Variants in ROR2 observed in about 807,000 individuals in gnomAD.
ROR2 encodes the protein ROR family WNT receptor 2, also known as tyrosine-protein kinase transmembrane receptor ROR2.
A neutral mutation model predicts 74.9 loss-of-function variants in ROR2; 33 were observed. That is an observed-to-expected ratio of 0.44 (90% CI 0.33 to 0.59). ROR2 has a LOEUF of 0.59. ROR2 is among the 20% of genes least tolerant of loss of function. ROR2 has a pLI of 0.02. For synonymous variants in ROR2, 586 were observed against 558.7 expected (o/e 1.05, Z -0.69); for missense variants, 1,216 against 1,313.8 (o/e 0.93, Z 1.15).
chr9:91,916,208 C>G, intron 1 of ROR2, among the ~76,000 whole-genome samples: 1 of 152,220 alleles, frequency 6.6e-6, no homozygotes, highest in African/African-American at 2.4e-5. Flanking sequence ...TCCCCCGCAA[C>G]TAATCTTTTT....
intron 1 of ROR2, among the ~76,000 whole-genome samples, chr9:91,809,716 A>G (rs1480119796): frequency 6.6e-6 from 1 of 152,254 alleles, no homozygotes; most frequent in Admixed American, 6.5e-5. Flanking sequence ...GCCGGCAGCA[A>G]GAGTGGGCAG....
At position 91,777,032 on chromosome 9, in the gene ROR2, G is replaced by T. The variant is rs190774024; in HGVS notation, c.98-1214C>A. On this transcript the variant is annotated intron_variant, in intron 1 of 8. Transcript: ENST00000375708. ...TCACTTCCTCTGCCAGTCAAATGTG[G>T]TTAATAAACTCAGCATGTCCAATCA... Among the ~76,000 whole-genome samples the T allele has an allele frequency of 4.3e-4, 65 of 152,270 alleles. No homozygotes were observed. The East Asian group carries it at 5.2e-3, about 12-fold the overall frequency.
chr9:91,773,233 C>T (rs1826297310), intron 2 of ROR2, among the ~76,000 whole-genome samples: 1 of 152,170 alleles, frequency 6.6e-6, no homozygotes, highest in African/African-American at 2.4e-5. Flanking sequence ...ATACATTTTC[C>T]CAAGGAAATA....
At chr9:91,916,932 G>A (rs1003309343) in intron 1 of ROR2, among the ~76,000 whole-genome samples, 4 of 152,012 alleles carry the variant, frequency 2.6e-5, no homozygotes, top group African/African-American at 9.7e-5. Context: ...TCCCATGCTG[G>A]AGTGGAAAAT....
intron 2 of ROR2, among the ~76,000 whole-genome samples, chr9:91,758,906 T>C (rs1490409376): frequency 6.6e-6 from 1 of 152,260 alleles, no homozygotes; most frequent in Non-Finnish European, 1.5e-5. Context: ...AATACAATTC[T>C]GTTAATGTAA....
intron 1 of ROR2, among the ~76,000 whole-genome samples, chr9:91,801,473 C>A (rs1336827409): frequency 1.3e-5 from 2 of 152,232 alleles, no homozygotes; most frequent in East Asian, 3.9e-4. Context: ...GCTGGGACTA[C>A]AGGCGCCCGC....
chr9:91,777,240 A>G (rs561194282), intron 1 of ROR2, among the ~76,000 whole-genome samples: 1 of 152,338 alleles, frequency 6.6e-6, no homozygotes, highest in Admixed American at 6.5e-5. Flanking sequence ...GACAGGAAGT[A>G]TGTGAACTAG....
intron 1 of ROR2, among the ~76,000 whole-genome samples, chr9:91,861,860 T>A (rs1829477529): frequency 6.6e-6 from 1 of 152,190 alleles, no homozygotes; most frequent in African/African-American, 2.4e-5. Flanking sequence ...GATTTGTATT[T>A]AGATTATATA....
At position 91,723,374 on chromosome 9, in the gene ROR2, A is replaced by G. The variant is rs1836863701; in HGVS notation, c.*288T>C. 2 of 438,656 alleles carry G rather than the reference A, an allele frequency of 4.6e-6. No homozygotes were observed. The highest frequency in any genetic ancestry group is 7.6e-5 in the East Asian group (2 of 26,460). 27.2% of individuals were successfully genotyped at this position (438,656 alleles called of 1,614,324 possible). ...TGAAAGGCATTTGCTGCTCACTACC[A>G]GTCTACCACCAGAATCAATGTATAC... On this transcript the variant is annotated 3_prime_UTR_variant, in exon 9 of 9. Transcript: ENST00000375708.
intron 2 of ROR2, among the ~76,000 whole-genome samples, chr9:91,767,598 G>C (rs1384942033): frequency 5.9e-5 from 9 of 152,214 alleles, no homozygotes; most frequent in Non-Finnish European, 1.2e-4. Context: ...CTGCAGGAAG[G>C]ACATAAAGCT....
At chr9:91,915,985 C>G (rs1363114350) in intron 1 of ROR2, among the ~76,000 whole-genome samples, 1 of 152,222 alleles carries the variant, frequency 6.6e-6, no homozygotes, top group Non-Finnish European at 1.5e-5. Flanking sequence ...CTGGCTTAGG[C>G]TCTGGCAGGA....
At chr9:91,818,082 A>C (rs1828005517) in intron 1 of ROR2, among the ~76,000 whole-genome samples, 1 of 152,174 alleles carries the variant, frequency 6.6e-6, no homozygotes, top group African/African-American at 2.4e-5. Flanking sequence ...AGTTTCTGCC[A>C]AACTAAATCA....
In ROR2 at chr9:91,861,134, T is replaced by C. The variant is rs557679540; in HGVS notation, c.98-85316A>G. Reference sequence around the variant, plus strand: ...AAAGATCTAAATAAATGGAAAAATATCCTGTGTTTATGGATCAGAATACTT... The same window carrying C: ...AAAGATCTAAATAAATGGAAAAATACCCTGTGTTTATGGATCAGAATACTT... On this transcript the variant is annotated intron_variant, in intron 1 of 8. Transcript: ENST00000375708. Among the ~76,000 whole-genome samples, 50 of 152,206 alleles carry C rather than the reference T, an allele frequency of 3.3e-4. No individual in the cohort carries two copies. In the Middle Eastern group the frequency reaches 0.01, roughly 31 times the overall value.
At chr9:91,887,052 G>C (rs1470923486) in intron 1 of ROR2, 1 of 152,150 alleles carries the variant, frequency 6.6e-6, no homozygotes, top group Admixed American at 6.5e-5. Flanking sequence ...CAAAGGCAAG[G>C]CTTGCTAGGA....
At chr9:91,826,519 C>A (rs866626569) in intron 1 of ROR2, among the ~76,000 whole-genome samples, 2 of 152,154 alleles carry the variant, frequency 1.3e-5, no homozygotes, top group Non-Finnish European at 2.9e-5. Flanking sequence ...TGGTGCCTCA[C>A]ACCCGTAATC....
At chr9:91,880,745 C>T (rs1321396534) in intron 1 of ROR2, among the ~76,000 whole-genome samples, 1 of 152,208 alleles carries the variant, frequency 6.6e-6, no homozygotes, top group African/African-American at 2.4e-5. Flanking sequence ...GTGGGATTTC[C>T]TACAAAATAA....
intron 2 of ROR2, among the ~76,000 whole-genome samples, chr9:91,762,739 C>T (rs73651504): frequency 0.13 from 19,464 of 152,186 alleles, 1,455 homozygotes; most frequent in African/African-American, 0.19. Context: ...GTTGATTTCA[C>T]CCATCTATGT....
intron 1 of ROR2, among the ~76,000 whole-genome samples, chr9:91,834,493 G>T (rs1010951755): frequency 6.6e-6 from 1 of 152,190 alleles, no homozygotes; most frequent in Non-Finnish European, 1.5e-5. Context: ...CATGGCAGAA[G>T]ACATATTCTC....
intron 1 of ROR2, among the ~76,000 whole-genome samples, chr9:91,792,295 A>T (rs923224304): frequency 6.6e-6 from 1 of 151,462 alleles, no homozygotes; most frequent in Non-Finnish European, 1.5e-5. Flanking sequence ...CGAGACCAAA[A>T]GTTGGTTCTA....
Sources: allele counts gnomAD v4.1 joint callset (sites outside exome capture counted in the v4.1 genomes callset), GRCh38; gene constraint gnomAD v4.1.1; transcripts MANE v1.5; gene names NCBI Gene and HGNC (gene_info 2026-07-23, HGNC 2026-07-21).